The following NME7 variants were observed in gnomAD, a reference collection of about 807,000 sequenced individuals.
NME7 encodes NME/NM23 family member 7.
NME7 carries 41 observed loss-of-function variants against 49.1 expected under a neutral mutation model. The ratio of observed to expected loss-of-function variants is 0.83; its 90% CI spans 0.65 to 1.08. The LOEUF is 1.08. Ranked by LOEUF, NME7 falls within the 50% of genes least tolerant of loss-of-function variation. The probability of loss-of-function intolerance (pLI) is 0.00; values close to 1 mark genes in which losing one functional copy is unlikely to be tolerated. For missense variants in NME7, 423 were observed against 463.4 expected, an observed-to-expected ratio of 0.91 and a Z score of 0.80; for synonymous variants, 139 against 150.6, an observed-to-expected ratio of 0.92 and a Z score of 0.56.
At chr1:169,353,587 GA>G (rs1653264493) in intron 1 of NME7, among the ~76,000 whole-genome samples, 1 of 151,796 alleles carries the variant, frequency 6.6e-6, no homozygotes, top group Non-Finnish European at 1.5e-5. Flanking sequence ...CATAGCACAG[GA>G]AACAATCAAC....
chr1:169,289,896 C>T (rs1409868103), intron 6 of NME7, among the ~76,000 whole-genome samples: 1 of 151,870 alleles, frequency 6.6e-6, no homozygotes, highest in African/African-American at 2.4e-5. Context: ...AAATAATATC[C>T]AGGCTTCTTT....
At chr1:169,341,215 C>T (rs368254069) in intron 1 of NME7, among the ~76,000 whole-genome samples, 1 of 152,178 alleles carries the variant, frequency 6.6e-6, no homozygotes, top group Admixed American at 6.5e-5. Context: ...CCCTAAGTCT[C>T]AGTCACTCCA....
chr1:169,328,495 A>T (rs539113696), intron 1 of NME7, among the ~76,000 whole-genome samples: 16 of 152,318 alleles, frequency 1.1e-4, no homozygotes, highest in Admixed American at 2.0e-4. Context: ...TGGATTTGTG[A>T]TGATGCAGCC....
chr1:169,320,563 T>C (rs1430324668), intron 3 of NME7, among the ~76,000 whole-genome samples: 8 of 152,204 alleles, frequency 5.3e-5, no homozygotes, highest in Non-Finnish European at 8.8e-5. Flanking sequence ...TGTGGAACGC[T>C]GATAGACATA....
chr1:169,282,084 T>A (rs1306523603), intron 7 of NME7, among the ~76,000 whole-genome samples: 2 of 152,248 alleles, frequency 1.3e-5, no homozygotes, highest in East Asian at 3.9e-4. Context: ...GTCCTGGACT[T>A]TTTTTGGTTG....
intron 6 of NME7, among the ~76,000 whole-genome samples, chr1:169,294,123 T>C (rs915927056): frequency 2.6e-5 from 4 of 152,210 alleles, no homozygotes; most frequent in African/African-American, 9.6e-5. Context: ...CATTAAATAC[T>C]ATGTTCTAGG....
At chr1:169,331,988 C>G (rs1333620260) in intron 1 of NME7, among the ~76,000 whole-genome samples, 1 of 151,900 alleles carries the variant, frequency 6.6e-6, no homozygotes, top group Non-Finnish European at 1.5e-5. Context: ...TTATATGGAA[C>G]CACAAAAAAC....
rs567699758 is a variant in NME7, at chr1:169,139,678, T to C, written c.1099-6861A>G. ...ATCACTATTATTGGTTTCCAAATAT[T>C]CTCCTAATGTTATGGCCCATCCTGC... On this transcript the variant is annotated intron_variant, in intron 11 of 11. Transcript: ENST00000367811. Among the ~76,000 whole-genome samples, 9 of 152,340 alleles carry C rather than the reference T, an allele frequency of 5.9e-5. No homozygotes were observed. The South Asian group carries it at 1.9e-3, about 32-fold the overall frequency.
chr1:169,236,669 A>C (rs1276523927), intron 8 of NME7, among the ~76,000 whole-genome samples: 1 of 151,352 alleles, frequency 6.6e-6, no homozygotes, highest in African/African-American at 2.4e-5. Flanking sequence ...TTCAAATATC[A>C]GTTTTCTCAT....
intron 1 of NME7, among the ~76,000 whole-genome samples, chr1:169,356,188 A>G (rs1026658949): frequency 3.9e-5 from 6 of 152,296 alleles, no homozygotes; most frequent in Admixed American, 3.3e-4. Context: ...CTCTGTAAAT[A>G]CAATACCTAC....
chr1:169,177,747 C>A (rs1228983637), intron 10 of NME7, among the ~76,000 whole-genome samples: 1 of 152,136 alleles, frequency 6.6e-6, no homozygotes, highest in African/African-American at 2.4e-5. Flanking sequence ...GTCACATCAA[C>A]CCCTTCCAAC....
chr1:169,323,522 T>C (rs1215564905), intron 2 of NME7, among the ~76,000 whole-genome samples: 1 of 152,204 alleles, frequency 6.6e-6, no homozygotes, highest in African/African-American at 2.4e-5. Context: ...AAAACCTGAA[T>C]AGAAAGATTT....
chr1:169,274,784 T>C (rs79501011), intron 7 of NME7, among the ~76,000 whole-genome samples: 11,724 of 132,848 alleles, frequency 0.088, 3,128 homozygotes, highest in East Asian at 0.75. Flanking sequence ...TGTAGATATG[T>C]GGCATTATTT....
intron 7 of NME7, among the ~76,000 whole-genome samples, chr1:169,278,750 G>T (rs1178873944): frequency 6.6e-6 from 1 of 152,204 alleles, no homozygotes; most frequent in African/African-American, 2.4e-5. Flanking sequence ...TTTGGAGGAG[G>T]AGAGGCACTC....
rs57449323 is a variant in NME7 at position 169,275,478 on chromosome 1, CAAAAAAAAAAA to C, written c.754+11814_754+11824del. Among the ~76,000 whole-genome samples, 9 of 29,874 alleles carry C rather than the reference CAAAAAAAAAAA, an allele frequency of 3.0e-4. 1 individual carries two copies. In the South Asian group the frequency reaches 9.1e-3, roughly 30 times the overall value. The allele number at this position is 29,874 out of a possible 152,430, so 19.6% of individuals were successfully genotyped here. On this transcript the variant is annotated intron_variant, in intron 7 of 11. Coordinates refer to ENST00000367811, the MANE Select transcript of NME7 (RefSeq NM_013330.5). Reference sequence around the variant, plus strand: ...TGGGCGACAGAGCGAAACTCCGTCTCAAAAAAAAAAAAAAAAAAAAAAAAAAAGAATGCTTG... The same window carrying C: ...TGGGCGACAGAGCGAAACTCCGTCTCAAAAAAAAAAAAAAAAGAATGCTTG...
intron 7 of NME7, among the ~76,000 whole-genome samples, chr1:169,257,777 C>T (rs1451759766): frequency 7.5e-6 from 1 of 133,828 alleles, no homozygotes; most frequent in East Asian, 2.0e-4. Context: ...CTTTAATTCT[C>T]CTTCATTTAC....
intron 11 of NME7, among the ~76,000 whole-genome samples, chr1:169,152,123 G>A (rs1219629780): frequency 1.3e-5 from 2 of 152,096 alleles, no homozygotes; most frequent in African/African-American, 4.8e-5. Context: ...GGCCTGACAC[G>A]AAACAGGCCT....
chr1:169,201,217 C>A (rs1018053464), intron 10 of NME7, among the ~76,000 whole-genome samples: 1 of 151,830 alleles, frequency 6.6e-6, no homozygotes, highest in Non-Finnish European at 1.5e-5. Context: ...GGTGACAGAG[C>A]GAGACTGTCT....
chr1:169,317,502 T>C (rs576519210), intron 3 of NME7, among the ~76,000 whole-genome samples: 1 of 152,122 alleles, frequency 6.6e-6, no homozygotes, highest in Non-Finnish European at 1.5e-5. Flanking sequence ...TAAGTAAAGA[T>C]GAGAAAAAGA....
Sources: gnomAD v4.1 joint callset for allele counts (sites outside exome capture counted in the v4.1 genomes callset) on GRCh38, gnomAD v4.1.1 for gene constraint, MANE v1.5 for transcripts, NCBI Gene and HGNC (gene_info 2026-07-23, HGNC 2026-07-21) for gene names.